XPC: variants seen among roughly 807,000 people sequenced by gnomAD.
XPC encodes XPC complex subunit, DNA damage recognition and repair factor, also known as DNA repair protein complementing XP-C cells.
XPC carries 76 observed loss-of-function variants against 95.8 expected under a neutral mutation model. The observed-to-expected ratio is 0.79, with a 90% CI of 0.66 to 0.96. The LOEUF (loss-of-function observed/expected upper bound fraction) is 0.96. XPC is among the 40% of genes least tolerant of loss of function. The pLI, the probability that XPC is intolerant of heterozygous loss-of-function variation, is 0.00. For missense variants in XPC, 1,146 were observed against 1,179.8 expected (o/e 0.97, Z 0.42); for synonymous variants, 442 against 442.1 (o/e 1.00, Z 0.00).
chr3:14,150,092 G>C (rs560868536), intron 11 of XPC: 94 of 152,428 alleles, frequency 6.2e-4, no homozygotes, highest in African/African-American at 2.2e-3. Flanking sequence ...ACACGCCCTA[G>C]AAAGCACTGA....
chr3:14,168,414 T>G (rs371582884), intron 3 of XPC, 34 bp from the exon 4 acceptor site: 39 of 1,609,978 alleles, frequency 2.4e-5, no homozygotes, highest in Non-Finnish European at 3.2e-5. Flanking sequence ...TCAGTAATAG[T>G]AATAACAATA....
chr3:14,176,289 A>C (rs142542058), intron 1 of XPC, among the ~76,000 whole-genome samples: 15 of 152,352 alleles, frequency 9.8e-5, no homozygotes, highest in African/African-American at 3.6e-4. Flanking sequence ...TCTGACTAGA[A>C]TACCGGCCCC....
rs538883715 is a variant in XPC at position 14,151,184 on chromosome 3, C to G, written c.2115+1151G>C. ...TGGCCACTGCACACCTGAAACGTGG[C>G]TGGTCTGAACTAAGGTACAGAAAGT... On this transcript the variant is annotated intron_variant, in intron 11 of 15. Transcript: ENST00000285021. Among the ~76,000 whole-genome samples the G allele has an allele frequency of 3.9e-5, 6 of 152,264 alleles. No homozygotes were observed. The East Asian group carries it at 9.7e-4, about 25-fold the overall frequency.
rs1210928777 is a variant in XPC, at chr3:14,147,523, A to G, written c.2515-144T>C. On this transcript the variant is annotated intron_variant, in intron 14 of 15. Coordinates refer to ENST00000285021, the MANE Select transcript of XPC (RefSeq NM_004628.5). ...TCCTTCACACCAAGTCTCACTTCCAAAAAATTGATCTGATTTACAAAGTGA... is the reference window on the plus strand; with the variant it reads ...TCCTTCACACCAAGTCTCACTTCCAGAAAATTGATCTGATTTACAAAGTGA... 8 of 802,920 alleles carry G rather than the reference A, an allele frequency of 1.0e-5. No homozygotes were observed. The East Asian group carries it at 2.1e-4, about 21-fold the overall frequency. The allele number at this position is 802,920 out of a possible 1,614,324, so 49.7% of individuals were successfully genotyped here. A position where few individuals can be genotyped will look rare whatever the true frequency, so the allele number is the denominator to read the frequency against.
At chr3:14,162,933 A>G (rs1224591222) in intron 7 of XPC, among the ~76,000 whole-genome samples, 3 of 152,220 alleles carry the variant, frequency 2.0e-5, no homozygotes, top group Admixed American at 6.5e-5. Flanking sequence ...AAAAGGCAAC[A>G]TAATTAAAAA....
intron 11 of XPC, chr3:14,151,366 A>G (rs1326995209): frequency 6.6e-6 from 1 of 152,242 alleles, no homozygotes. Flanking sequence ...TAATGTAGCT[A>G]CTAAAAAATT....
At position 14,164,812 on chromosome 3, in the gene XPC, C is replaced by T. The variant is rs2125035588; in HGVS notation, c.900+1G>A. 1 of 1,613,020 alleles carries T rather than the reference C, an allele frequency of 6.2e-7. No individual in the cohort carries two copies. Among genetic ancestry groups the T allele is most frequent in the Non-Finnish European group, 8.5e-7 (1 of 1,179,544 alleles). ...AACAGTGATCCGGGAGGATCACTTA[C>T]ATGGACCAATTCCTCATCATCTCGA... On this transcript the variant is annotated splice_donor_variant, in intron 7 of 15. Coordinates refer to ENST00000285021, the MANE Select transcript of XPC (RefSeq NM_004628.5). LOFTEE classifies it high-confidence loss of function.
At chr3:14,163,722 A>AC (rs939572072) in intron 7 of XPC, among the ~76,000 whole-genome samples, 26 of 152,192 alleles carry the variant, frequency 1.7e-4, no homozygotes, top group African/African-American at 5.8e-4. Context: ...ACTGAATTGT[A>AC]CCCCCTCTTT....
At chr3:14,155,575 TGATACGGAGTCTC>T (rs1401183173) in intron 10 of XPC, among the ~76,000 whole-genome samples, 2 of 152,304 alleles carry the variant, frequency 1.3e-5, no homozygotes, top group African/African-American at 4.8e-5. Context: ...TTTTTGTTTT[TGATACGGAGTCTC>T]GTTCTGTCAC....
chr3:14,174,151 TTG>T (rs1696720273), intron 1 of XPC, among the ~76,000 whole-genome samples: 1 of 152,252 alleles, frequency 6.6e-6, no homozygotes, highest in East Asian at 1.9e-4. Flanking sequence ...ATTGATTCCG[TTG>T]TTTCTTTAAA....
At chr3:14,164,677 A>G in intron 7 of XPC, 136 bp downstream of exon 7, 1 of 862,072 alleles carries the variant, frequency 1.2e-6, no homozygotes, top group South Asian at 1.8e-5. Context: ...TCTGGGCTTC[A>G]GCAGCTATCA....
At position 14,152,404 on chromosome 3, in the gene XPC, G is replaced by T; in HGVS notation, c.2046C>A (p.His682Gln). The stretch of plus-strand genomic sequence containing the variant: ...GCCACGTGTCCCTGGAATGCAGAGT[G>T]TGCACACAATCCCTGTGGAACCAAC... ...GEAVYSRDCV[H>Q]TLHSRDTWLK... Residue 682 changes from histidine to glutamine, a missense_variant, in exon 11 of 16, where the codon CAC (histidine) becomes CAA (glutamine). His to Gln is a conservative substitution (Grantham distance 24, BLOSUM62 0). Transcript: ENST00000285021. 6.2e-7 allele frequency: 1 copy of T among 1,611,994 alleles called. No homozygotes were observed. Among genetic ancestry groups the T allele is most frequent in the Non-Finnish European group, 8.5e-7 (1 of 1,179,042 alleles).
chr3:14,160,250 A>C (rs749217996), intron 7 of XPC, among the ~76,000 whole-genome samples: 6 of 152,228 alleles, frequency 3.9e-5, no homozygotes, highest in Non-Finnish European at 8.8e-5. Flanking sequence ...CTAAAATAAT[A>C]AAATGAAATA....
At chr3:14,147,654 G>A in intron 14 of XPC, 1 of 596,558 alleles carries the variant, frequency 1.7e-6, no homozygotes, top group East Asian at 2.8e-5. Flanking sequence ...GGCAATTCAA[G>A]ACAGAGGCAG....
chr3:14,176,221 T>C (rs1476725938), intron 1 of XPC, among the ~76,000 whole-genome samples: 2 of 152,210 alleles, frequency 1.3e-5, no homozygotes, highest in East Asian at 3.8e-4. Context: ...AGAATACAGG[T>C]AGCATTTCCA....
chr3:14,153,137 G>C (rs1466936311), intron 10 of XPC: 1 of 152,274 alleles, frequency 6.6e-6, no homozygotes, highest in African/African-American at 2.4e-5. Context: ...AATGAGCAAG[G>C]GCACCCCATT....
At chr3:14,177,558 A>T (rs1696877748) in intron 1 of XPC, among the ~76,000 whole-genome samples, 1 of 152,120 alleles carries the variant, frequency 6.6e-6, no homozygotes, top group Non-Finnish European at 1.5e-5. Context: ...TAAGGAGGGT[A>T]TCTGGCAAGG....
chr3:14,155,493 ACT>A (rs1160182328), intron 10 of XPC, among the ~76,000 whole-genome samples: 3 of 149,330 alleles, frequency 2.0e-5, no homozygotes, highest in East Asian at 2.0e-4. Context: ...CTCTTATTCC[ACT>A]CTTTTTTTAG....
intron 10 of XPC, among the ~76,000 whole-genome samples, chr3:14,154,996 C>T (rs190798285): frequency 4.6e-5 from 7 of 152,302 alleles, no homozygotes; most frequent in African/African-American, 9.6e-5. Context: ...GGCTTTCTCC[C>T]GACTACCCGT....
Sources: gnomAD v4.1 joint callset for allele counts (sites outside exome capture counted in the v4.1 genomes callset) on GRCh38, gnomAD v4.1.1 for gene constraint, MANE v1.5 for transcripts, NCBI Gene and HGNC (gene_info 2026-07-23, HGNC 2026-07-21) for gene names.